The following SPG11 variants were observed in gnomAD, a reference collection of about 807,000 sequenced individuals.
The protein encoded by SPG11 is SPG11 vesicle trafficking associated, spatacsin, also known as spatacsin.
A neutral mutation model predicts 274.0 loss-of-function variants in SPG11; 222 were observed. That is an observed-to-expected ratio of 0.81 (90% CI 0.73 to 0.91). The LOEUF (loss-of-function observed/expected upper bound fraction) is 0.91. Among genes scored for constraint, SPG11 ranks in the 40% least tolerant of loss-of-function variants. SPG11 has a pLI of 0.00. For synonymous variants in SPG11, 1,144 were observed against 1,039.7 expected (o/e 1.10, Z -1.93); for missense variants, 3,114 against 2,872.7 (o/e 1.08, Z -1.92).
Position 44,657,288 on chromosome 15 carries a change from C to G in SPG11, c.676G>C (p.Asp226His), listed in dbSNP as rs971078676. ...GCTACATATGTACCATCCACAACAT[C>G]AAAAATGTCTTTTAGTTAGAGTTAA... The part of the protein sequence containing the change: ...LSSLGWIYIF[D>H]VVDGTYVAHV... Residue 226 changes from aspartate (D) to histidine (H), a missense_variant, in exon 4 of 40, where the codon GAT (aspartate) becomes CAT (histidine). Physicochemically the swap from Asp to His is moderately conservative, Grantham distance 81. Transcript: ENST00000261866. The G allele has an allele frequency of 6.2e-7, 1 of 1,614,092 alleles. No homozygotes were observed. Among genetic ancestry groups the G allele is most frequent in the Non-Finnish European group, 8.5e-7 (1 of 1,180,004 alleles).
chr15:44,564,513 G>A (rs2082269803), intron 39 of SPG11, 34 bp downstream of exon 39: 1 of 1,610,036 alleles, frequency 6.2e-7, no homozygotes, highest in South Asian at 1.1e-5. Context: ...GCAGAGGCAA[G>A]GAGCAATGTT....
intron 1 of SPG11, 42 bp downstream of exon 1, chr15:44,663,349 C>T (rs766040568): frequency 6.3e-7 from 1 of 1,589,816 alleles, no homozygotes. Context: ...CGAGCCTAGG[C>T]TCTGGACTCC....
At chr15:44,569,178 AGAAAAAG>A (rs2082366469) in intron 35 of SPG11, among the ~76,000 whole-genome samples, 1 of 151,096 alleles carries the variant, frequency 6.6e-6, no homozygotes, top group African/African-American at 2.4e-5. Flanking sequence ...AAAAAAAAAA[AGAAAAAG>A]AAAAAAAAAA....
rs1355597591 is a variant in SPG11 at position 44,606,271 on chromosome 15, T to G, written c.3454-180A>C. 3 of 562,238 alleles carry G rather than the reference T, an allele frequency of 5.3e-6. No homozygotes were observed. The African/African-American group carries it at 5.7e-5, about 11-fold the overall frequency. 34.8% of individuals were successfully genotyped at this position (562,238 alleles called of 1,614,324 possible). A position where few individuals can be genotyped will look rare whatever the true frequency, so the allele number is the denominator to read the frequency against. ...AATAAAATAGAATTATGACATATCTTTATATCTTAATTAAAACAGAACTGG... is the reference window on the plus strand; with the variant it reads ...AATAAAATAGAATTATGACATATCTGTATATCTTAATTAAAACAGAACTGG... On this transcript the variant is annotated intron_variant, in intron 19 of 39. Transcript: ENST00000261866.
At chr15:44,569,704 C>A (rs572831340) in intron 34 of SPG11, among the ~76,000 whole-genome samples, 199 bp from the exon 35 acceptor site, 15 of 151,904 alleles carry the variant, frequency 9.9e-5, no homozygotes, top group African/African-American at 3.6e-4. Context: ...GTCACTGGGC[C>A]ACCACTGGCT....
chr15:44,585,430 C>CAAAAAAAAAA (rs67858533), intron 29 of SPG11, among the ~76,000 whole-genome samples: 213 of 93,180 alleles, frequency 2.3e-3, no homozygotes, highest in Non-Finnish European at 2.6e-3. Context: ...ACTAAAAATA[C>CAAAAAAAAAA]AAAAAAAAAA....
chr15:44,579,050 C>A (rs535975431), intron 30 of SPG11, among the ~76,000 whole-genome samples: 1 of 151,918 alleles, frequency 6.6e-6, no homozygotes, highest in East Asian at 1.9e-4. Flanking sequence ...CCCAGCTACT[C>A]GGGAGGCTGA....
intron 2 of SPG11, 104 bp downstream of exon 2, chr15:44,660,328 A>G (rs887698845): frequency 1.0e-6 from 1 of 989,076 alleles, no homozygotes; most frequent in Non-Finnish European, 1.6e-6. Flanking sequence ...ACTATATCAG[A>G]CAGCGTAGAC....
chr15:44,596,592 C>T (rs971792274), intron 24 of SPG11, among the ~76,000 whole-genome samples, 192 bp downstream of exon 24: 1 of 132,896 alleles, frequency 7.5e-6, no homozygotes, highest in African/African-American at 2.8e-5. Flanking sequence ...TGCCAACCCA[C>T]TGAAATCTTA....
At chr15:44,638,374 C>T (rs969832858) in intron 7 of SPG11, among the ~76,000 whole-genome samples, 1 of 152,156 alleles carries the variant, frequency 6.6e-6, no homozygotes, top group Non-Finnish European at 1.5e-5. Context: ...GCACAAGAAT[C>T]GCTTGAACAC....
rs1362672034 is a variant in SPG11 at position 44,584,084 on chromosome 15, A to G, written c.5596T>C (p.Cys1866Arg). The G allele has an allele frequency of 6.2e-7, 1 of 1,614,130 alleles. No individual in the cohort carries two copies. Among genetic ancestry groups the G allele is most frequent in the Non-Finnish European group, 8.5e-7 (1 of 1,180,056 alleles). The change falls in exon 30 of 40, where the codon TGC (cysteine) becomes CGC (arginine). Residue 1866 changes from cysteine to arginine, a missense_variant. Physicochemically the swap from Cys to Arg is radical, Grantham distance 180. Coordinates refer to ENST00000261866, the MANE Select transcript of SPG11 (RefSeq NM_025137.4). Reference protein sequence around the residue: ...ELNSLPSKETCENRLDWKEQE... With the variant: ...ELNSLPSKETRENRLDWKEQE... The stretch of plus-strand genomic sequence containing the variant: ...TCTTTCCAATCCAATCTATTCTCGC[A>G]TGTCTCTTTGGATGGAAGGCTGTTA...
rs376753565 is a variant in SPG11, at chr15:44,570,506, G to C, written c.6477+19C>G. ...AAGGTTTCCACAGGATGGAGACTGG[G>C]GTTGAGGGGGCTACTTACCACCAGC... On this transcript the variant is annotated intron_variant, in intron 34 of 39. Coordinates refer to ENST00000261866, the MANE Select transcript of SPG11 (RefSeq NM_025137.4). 14 of 1,613,994 alleles carry C rather than the reference G, an allele frequency of 8.7e-6. No individual in the cohort carries two copies. The Admixed American group carries it at 1.3e-4, about 15-fold the overall frequency.
At chr15:44,563,994 T>C (rs1477162793) in intron 39 of SPG11, among the ~76,000 whole-genome samples, 3 of 152,094 alleles carry the variant, frequency 2.0e-5, no homozygotes, top group African/African-American at 7.2e-5. Context: ...TGTTTTAGTG[T>C]TTTTCGTTTC....
chr15:44,570,789 C>T (rs976947678), intron 33 of SPG11, 131 bp from the exon 34 acceptor site: 1 of 1,181,700 alleles, frequency 8.5e-7, no homozygotes, highest in African/African-American at 1.5e-5. Flanking sequence ...CATCAGCCCT[C>T]CGAAGTCCCT....
At position 44,566,077 on chromosome 15, in the gene SPG11, C is replaced by T. The variant is rs978733718; in HGVS notation, c.6844-68G>A. Reference sequence around the variant, plus strand: ...TTGTCACCTCCTGTGTGAACCCTCACAACGGTATTCACCCCTTCTGTTCCT... The same window carrying T: ...TTGTCACCTCCTGTGTGAACCCTCATAACGGTATTCACCCCTTCTGTTCCT... On this transcript the variant is annotated intron_variant, in intron 37 of 39. Coordinates refer to ENST00000261866, the MANE Select transcript of SPG11 (RefSeq NM_025137.4). 17 of 1,601,564 alleles carry T rather than the reference C, an allele frequency of 1.1e-5. No individual in the cohort carries two copies. In the African/African-American group the frequency reaches 1.7e-4, roughly 16 times the overall value.
rs2083980916 is a variant in SPG11 at position 44,628,976 on chromosome 15, T to G, written c.1892-132A>C. 8 of 989,816 alleles carry G rather than the reference T, an allele frequency of 8.1e-6. No individual in the cohort carries two copies. The South Asian group carries it at 8.2e-5, about 10-fold the overall frequency. The allele number at this position is 989,816 out of a possible 1,614,324, so 61.3% of individuals were successfully genotyped here. ...AAATTTCAAACAATATGTCTGAGGA[T>G]TTTCCTTTTTACAAGTAAGTAGCTC... On this transcript the variant is annotated intron_variant, in intron 9 of 39. Transcript: ENST00000261866.
chr15:44,573,992 T>C (rs890110695), intron 31 of SPG11, among the ~76,000 whole-genome samples: 1 of 152,156 alleles, frequency 6.6e-6, no homozygotes, highest in Admixed American at 6.5e-5. Context: ...TGTTGGACAC[T>C]TATTTTTTTG....
At chr15:44,643,864 T>C (rs955565999) in intron 7 of SPG11, among the ~76,000 whole-genome samples, 1 of 151,988 alleles carries the variant, frequency 6.6e-6, no homozygotes, top group African/African-American at 2.4e-5. Context: ...TTAATGAATA[T>C]AGATATAAAA....
intron 10 of SPG11, among the ~76,000 whole-genome samples, chr15:44,627,323 C>T (rs2083929718): frequency 6.6e-6 from 1 of 152,136 alleles, no homozygotes; most frequent in Non-Finnish European, 1.5e-5. Context: ...TAACCTAGGG[C>T]TTTAAAGAGA....
Sources: allele counts gnomAD v4.1 joint callset (sites outside exome capture counted in the v4.1 genomes callset), GRCh38; gene constraint gnomAD v4.1.1; transcripts MANE v1.5; gene names NCBI Gene and HGNC (gene_info 2026-07-23, HGNC 2026-07-21).